Variants in ANKRD17 observed in about 807,000 individuals in gnomAD.
ANKRD17 encodes ankyrin repeat domain-containing protein 17.
A neutral mutation model predicts 229.7 loss-of-function variants in ANKRD17; 19 were observed. The observed-to-expected ratio is 0.08, with a 90% confidence interval of 0.06 to 0.12. The LOEUF (loss-of-function observed/expected upper bound fraction) is 0.12, where lower values mean the gene tolerates loss of function less well. Ranked by LOEUF, ANKRD17 falls within the 10% of genes least tolerant of loss-of-function variation. The pLI is 1.00. For missense variants in ANKRD17, 2,176 were observed against 3,176.8 expected, an observed-to-expected ratio of 0.68 and a Z score of 7.57; for synonymous variants, 1,112 against 1,146.1, an observed-to-expected ratio of 0.97 and a Z score of 0.60.
rs552096737 is a variant in ANKRD17, at chr4:73,098,898, G to A, written c.4574-378C>T. 400 of 1,179,810 alleles carry A rather than the reference G, an allele frequency of 3.4e-4. 1 individual carries two copies. Among genetic ancestry groups the A allele is most frequent in the South Asian group, 1.9e-3 (152 of 82,158 alleles). The allele number at this position is 1,179,810 out of a possible 1,614,324, so 73.1% of individuals were successfully genotyped here. A position where few individuals can be genotyped will look rare whatever the true frequency, so the allele number is the denominator to read the frequency against. The stretch of plus-strand genomic sequence containing the variant: ...ATGGACAGCACTGAGAAGCGGGGCC[G>A]GGGCAGGCCCCGCAAGCAGCCTCTG... On this transcript the variant is annotated intron_variant, in intron 25 of 33. Transcript: ENST00000358602.
In ANKRD17 at chr4:73,076,116, A is replaced by G; in HGVS notation, c.*115T>C. 2.5e-6 allele frequency: 2 copies of G among 799,058 alleles called. No individual in the cohort carries two copies. Among genetic ancestry groups the G allele is most frequent in the Non-Finnish European group, 3.7e-6 (2 of 537,182 alleles). 49.5% of individuals were successfully genotyped at this position (799,058 alleles called of 1,614,324 possible). On this transcript the variant is annotated 3_prime_UTR_variant, in exon 34 of 34. Coordinates refer to ENST00000358602, the MANE Select transcript of ANKRD17 (RefSeq NM_032217.5). Reference sequence around the variant, plus strand: ...TAGTAAGATCTTCTGCAAAAAGCCTACACACTTCAGTCAAGCACATCAGTA... The same window carrying G: ...TAGTAAGATCTTCTGCAAAAAGCCTGCACACTTCAGTCAAGCACATCAGTA...
At chr4:73,208,951 C>A (rs1739880903) in intron 1 of ANKRD17, among the ~76,000 whole-genome samples, 2 of 152,128 alleles carry the variant, frequency 1.3e-5, no homozygotes, top group Admixed American at 6.5e-5. Context: ...GTGGCTCATG[C>A]CTGCAATCCC....
chr4:73,208,082 C>G (rs997635371), intron 1 of ANKRD17, among the ~76,000 whole-genome samples: 8 of 145,570 alleles, frequency 5.5e-5, no homozygotes, highest in African/African-American at 2.1e-4. Flanking sequence ...CCAGCTACTC[C>G]GGAGGCTGAG....
intron 11 of ANKRD17, among the ~76,000 whole-genome samples, chr4:73,143,998 C>T (rs1187853701): frequency 2.6e-5 from 4 of 152,132 alleles, no homozygotes; most frequent in African/African-American, 9.7e-5. Context: ...GACTCGAGGT[C>T]CCAAAGAGCT....
intron 30 of ANKRD17, among the ~76,000 whole-genome samples, chr4:73,084,303 T>C (rs889610578): frequency 5.3e-5 from 8 of 151,998 alleles, no homozygotes; most frequent in African/African-American, 1.9e-4. Flanking sequence ...GCTTGAGCCA[T>C]TGCACTACAG....
At chr4:73,187,066 T>C (rs1007215484) in intron 1 of ANKRD17, among the ~76,000 whole-genome samples, 7 of 152,160 alleles carry the variant, frequency 4.6e-5, no homozygotes, top group African/African-American at 7.2e-5. Flanking sequence ...TCCAGGATGG[T>C]AGCAGTGGGG....
At chr4:73,253,397 T>G (rs1163795928) in intron 1 of ANKRD17, among the ~76,000 whole-genome samples, 1 of 152,182 alleles carries the variant, frequency 6.6e-6, no homozygotes, top group Non-Finnish European at 1.5e-5. Context: ...TATTGAATAA[T>G]GAAAGAAATA....
At chr4:73,179,516 A>ATATATG in intron 1 of ANKRD17, among the ~76,000 whole-genome samples, 1 of 57,146 alleles carries the variant, frequency 1.7e-5, no homozygotes, top group East Asian at 6.9e-4. Flanking sequence ...ATATATATAT[A>ATATATG]TATTTTTTTT....
chr4:73,176,811 A>G (rs928479330), intron 2 of ANKRD17, among the ~76,000 whole-genome samples: 3 of 152,216 alleles, frequency 2.0e-5, no homozygotes, highest in African/African-American at 7.2e-5. Context: ...CTGTATCAAA[A>G]TATCTCATGT....
At chr4:73,125,434 T>C in intron 16 of ANKRD17, 122 bp from the exon 17 acceptor site, 1 of 777,882 alleles carries the variant, frequency 1.3e-6, no homozygotes. Flanking sequence ...ATATCAAGCA[T>C]TTGAAAAGCA....
intron 1 of ANKRD17, among the ~76,000 whole-genome samples, chr4:73,224,113 G>A (rs1483677599): frequency 6.6e-6 from 1 of 152,088 alleles, no homozygotes; most frequent in East Asian, 1.9e-4. Context: ...AAAATTAGCT[G>A]GGCGTGGTAG....
intron 1 of ANKRD17, among the ~76,000 whole-genome samples, chr4:73,214,938 C>G (rs1414123672): frequency 1.4e-5 from 2 of 146,114 alleles, no homozygotes; most frequent in African/African-American, 5.0e-5. Context: ...TGTGATAAAA[C>G]AGAAAGCACT....
intron 16 of ANKRD17, among the ~76,000 whole-genome samples, chr4:73,130,220 C>G (rs1218085401): frequency 6.6e-6 from 1 of 152,124 alleles, no homozygotes; most frequent in Non-Finnish European, 1.5e-5. Context: ...GATAGCACTT[C>G]AAGGTATTCA....
intron 13 of ANKRD17, 71 bp downstream of exon 13, chr4:73,142,171 C>A: frequency 7.7e-6 from 11 of 1,434,036 alleles, no homozygotes; most frequent in South Asian, 1.5e-5. Context: ...CTAATTTAAA[C>A]AGAAACTGTA....
At chr4:73,218,256 A>C (rs1741359896) in intron 1 of ANKRD17, among the ~76,000 whole-genome samples, 1 of 152,226 alleles carries the variant, frequency 6.6e-6, no homozygotes, top group African/African-American at 2.4e-5. Flanking sequence ...ACTGCTGAAA[A>C]CATGAGTTTC....
chr4:73,152,965 G>C (rs938974719), intron 6 of ANKRD17, among the ~76,000 whole-genome samples: 2 of 151,972 alleles, frequency 1.3e-5, no homozygotes, highest in African/African-American at 4.8e-5. Context: ...AAATATATAA[G>C]GATTATTTTC....
intron 6 of ANKRD17, among the ~76,000 whole-genome samples, chr4:73,153,052 G>A (rs1391308730): frequency 1.3e-5 from 2 of 152,130 alleles, no homozygotes; most frequent in African/African-American, 4.8e-5. Context: ...CAACACCAGG[G>A]CCAGAACTAG....
chr4:73,132,531 T>TA (rs1343583723), intron 16 of ANKRD17, among the ~76,000 whole-genome samples: 2 of 152,178 alleles, frequency 1.3e-5, no homozygotes, highest in Non-Finnish European at 2.9e-5. Context: ...ACACATATGG[T>TA]AAAACTCCAC....
At position 73,226,533 on chromosome 4, in the gene ANKRD17, A is replaced by G. The variant is rs537198627; in HGVS notation, c.393+31743T>C. 2.4e-3 allele frequency among the ~76,000 whole-genome samples: 363 copies of G among 150,610 alleles called. 2 individuals are homozygous for G. The highest frequency in any genetic ancestry group is 0.016 in the South Asian group (75 of 4,784). On this transcript the variant is annotated intron_variant, in intron 1 of 33. Transcript: ENST00000358602. ...CTCAGCCACCAGAGCGGCTGGGATT[A>G]CAGGCGCCTGCCACCATGCCCAGCT...
Sources: allele counts gnomAD v4.1 joint callset (sites outside exome capture counted in the v4.1 genomes callset), GRCh38; gene constraint gnomAD v4.1.1; transcripts MANE v1.5; gene names NCBI Gene and HGNC (gene_info 2026-07-23, HGNC 2026-07-21).